CLDN16: variants seen among roughly 807,000 people sequenced by gnomAD.
CLDN16 encodes the protein claudin 16, also known as claudin-16.
Under a neutral mutation model 24.6 loss-of-function variants are expected in CLDN16, and 13 were observed. The observed-to-expected ratio is 0.53, with a 90% confidence interval of 0.34 to 0.84. The LOEUF (loss-of-function observed/expected upper bound fraction) is 0.84, where lower values mean the gene tolerates loss of function less well. Ranked by LOEUF, CLDN16 falls within the 40% of genes least tolerant of loss-of-function variation. The probability of loss-of-function intolerance (pLI) is 0.01; values close to 1 mark genes in which losing one functional copy is unlikely to be tolerated. For missense variants in CLDN16, 298 were observed against 292.7 expected (o/e 1.02, Z -0.13); for synonymous variants, 116 against 106.7 (o/e 1.09, Z -0.54).
At chr3:190,295,851 T>C in the CLDN16 span, among the ~76,000 whole-genome samples, 2 of 152,226 alleles carry the variant, frequency 1.3e-5, no homozygotes, top group East Asian at 3.9e-4. Flanking sequence ...TCTAGGCTTA[T>C]AACTCACTCT....
At chr3:190,329,062 T>C (rs940415575) in intron 1 of CLDN16, among the ~76,000 whole-genome samples, 1 of 152,152 alleles carries the variant, frequency 6.6e-6, no homozygotes, top group African/African-American at 2.4e-5. Context: ...CTTTATCACA[T>C]AGTAGTCAAT....
intron 1 of CLDN16, among the ~76,000 whole-genome samples, chr3:190,350,127 C>G (rs1717639423): frequency 1.3e-5 from 2 of 152,052 alleles, no homozygotes; most frequent in African/African-American, 4.8e-5. Context: ...CCTCCCACAT[C>G]TAAGTACATC....
At chr3:190,351,272 T>G (rs1717667363) in intron 1 of CLDN16, among the ~76,000 whole-genome samples, 1 of 152,164 alleles carries the variant, frequency 6.6e-6, no homozygotes, top group African/African-American at 2.4e-5. Context: ...CCTCTTTTCT[T>G]TATGAATTAC....
rs113467893 is a variant in CLDN16 at position 190,335,334 on chromosome 3, G to A, written n.121+12673G>A. Among the ~76,000 whole-genome samples, 1,301 of 152,120 alleles carry A rather than the reference G, an allele frequency of 8.6e-3. 10 individuals are homozygous for A. The highest frequency in any genetic ancestry group is 0.014 in the Admixed American group (210 of 15,298). ...GCTAGGATTACAGATGTGAGCCACT[G>A]CACCTGGCCCTGAGGATGAATTCTT... On this transcript the variant is annotated intron_variant and non_coding_transcript_variant, in intron 1 of 4. Coordinates refer to the CLDN16 transcript ENST00000468220.
chr3:190,310,756 A>ATACC, the CLDN16 span, among the ~76,000 whole-genome samples: 7 of 152,258 alleles, frequency 4.6e-5, no homozygotes, highest in Middle Eastern at 3.4e-3. Context: ...ATGGACCAGA[A>ATACC]TACCTGCATT....
intron 1 of CLDN16, among the ~76,000 whole-genome samples, chr3:190,370,350 A>G (rs1460495685): frequency 6.6e-6 from 1 of 151,988 alleles, no homozygotes; most frequent in African/African-American, 2.4e-5. Flanking sequence ...TTGTATCTTT[A>G]GCTACCTACT....
chr3:190,390,282 A>G (rs570271854), intron 1 of CLDN16, among the ~76,000 whole-genome samples: 3 of 147,558 alleles, frequency 2.0e-5, no homozygotes, highest in Non-Finnish European at 4.6e-5. Context: ...TATGCCTGTA[A>G]TCCCAATACT....
At chr3:190,295,036 G>A in the CLDN16 span, among the ~76,000 whole-genome samples, 1,199 of 152,108 alleles carry the variant, frequency 7.9e-3, 8 homozygotes, top group African/African-American at 0.027. Flanking sequence ...CTCAGGGCTC[G>A]AAATTATAAA....
the CLDN16 span, among the ~76,000 whole-genome samples, chr3:190,317,353 A>G: frequency 1.3e-5 from 2 of 152,320 alleles, no homozygotes; most frequent in South Asian, 4.1e-4. Context: ...CTAGACTGAC[A>G]ATCTTGAGAT....
intron 4 of CLDN16, among the ~76,000 whole-genome samples, chr3:190,408,816 CT>C (rs893416938): frequency 4.2e-5 from 6 of 144,340 alleles, no homozygotes; most frequent in Non-Finnish European, 9.2e-5. Flanking sequence ...CGTATATATA[CT>C]ATATATGTAT....
chr3:190,390,569 T>C (rs1718625497), intron 1 of CLDN16, among the ~76,000 whole-genome samples: 1 of 152,076 alleles, frequency 6.6e-6, no homozygotes, highest in African/African-American at 2.4e-5. Flanking sequence ...CTGTAACAAA[T>C]CCGGCTCCCT....
chr3:190,370,513 T>A (rs1468297333), intron 1 of CLDN16, among the ~76,000 whole-genome samples: 3 of 151,944 alleles, frequency 2.0e-5, no homozygotes. Flanking sequence ...AATGTGGCCA[T>A]GCTTGTTGTG....
chr3:190,405,043 A>G (rs1002825309), intron 3 of CLDN16, 117 bp downstream of exon 3: 15 of 1,039,348 alleles, frequency 1.4e-5, no homozygotes, highest in Non-Finnish European at 1.9e-5. Flanking sequence ...TTCCCTTTCT[A>G]GATTGAAAAA....
chr3:190,388,806 A>G (rs1308918556), intron 1 of CLDN16, among the ~76,000 whole-genome samples: 1 of 152,160 alleles, frequency 6.6e-6, no homozygotes, highest in Non-Finnish European at 1.5e-5. Flanking sequence ...TTTTTCTAAG[A>G]TAAATTTTTT....
At chr3:190,364,249 C>T (rs1357132232) in intron 1 of CLDN16, among the ~76,000 whole-genome samples, 1 of 151,526 alleles carries the variant, frequency 6.6e-6, no homozygotes, top group Admixed American at 6.6e-5. Flanking sequence ...ATAGGACACC[C>T]ACATGTGAAT....
At position 190,409,896 on chromosome 3, in the gene CLDN16, C is replaced by G; in HGVS notation, c.575-7C>G. ...GTTCTACTTATTTTTATATTTCTTT[C>G]AAACAGATGTTGGACCTGAGAGAAA... On this transcript the variant is annotated splice_region_variant and splice_polypyrimidine_tract_variant and intron_variant, in intron 4 of 4. Transcript: ENST00000264734. 6 of 1,613,476 alleles carry G rather than the reference C, an allele frequency of 3.7e-6. No individual in the cohort carries two copies. Among genetic ancestry groups the G allele is most frequent in the Non-Finnish European group, 5.1e-6 (6 of 1,179,528 alleles).
At chr3:190,315,497 T>G in the CLDN16 span, among the ~76,000 whole-genome samples, 2 of 152,174 alleles carry the variant, frequency 1.3e-5, no homozygotes, top group Non-Finnish European at 2.9e-5. Context: ...AGAAGTCATA[T>G]GATTATCTTG....
chr3:190,385,320 A>C (rs1419094801), upstream of CLDN16, among the ~76,000 whole-genome samples: 1 of 152,192 alleles, frequency 6.6e-6, no homozygotes, highest in Admixed American at 6.5e-5. Context: ...ATTTCTTAGA[A>C]GTGCACTCAC....
At position 190,381,284 on chromosome 3, in the gene CLDN16, G is replaced by A. The variant is rs757330395; in HGVS notation, n.306+6681G>A. 8.0e-4 allele frequency among the ~76,000 whole-genome samples: 122 copies of A among 152,186 alleles called. 2 individuals are homozygous for A. The Middle Eastern group carries it at 0.014, about 17-fold the overall frequency. ...TCTGGTTTAAAAGTGTAAGTAGATG[G>A]AAGTTTAAGTTTACAGGTAGCAGTA... On this transcript the variant is annotated intron_variant and non_coding_transcript_variant, in intron 3 of 4. Transcript: ENST00000468220.
Sources: gnomAD v4.1 joint callset for allele counts (sites outside exome capture counted in the v4.1 genomes callset) on GRCh38, gnomAD v4.1.1 for gene constraint, MANE v1.5 for transcripts, NCBI Gene and HGNC (gene_info 2026-07-23, HGNC 2026-07-21) for gene names.